Variants in SLC26A8 observed in about 807,000 individuals in gnomAD.
SLC26A8 encodes the protein testis anion transporter 1.
In SLC26A8, 70 loss-of-function variants were observed where a neutral mutation model predicts 105.0. The ratio of observed to expected loss-of-function variants is 0.67; its 90% CI spans 0.55 to 0.81. The LOEUF (loss-of-function observed/expected upper bound fraction) is 0.81, where lower values mean the gene tolerates loss of function less well. SLC26A8 is among the 40% of genes least tolerant of loss of function. SLC26A8 has a pLI of 0.00. For synonymous variants in SLC26A8, 415 were observed against 438.3 expected (o/e 0.95, Z 0.66); for missense variants, 998 against 1,181.8 (o/e 0.84, Z 2.28).
chr6:35,960,883 G>A lies in SLC26A8; in HGVS notation c.1598C>T (p.Pro533Leu), dbSNP rs756801565. Residue 533 changes from proline to leucine, a missense_variant, in exon 14 of 20, where the codon CCT becomes CTT. Pro to Leu is a moderately conservative substitution (Grantham distance 98, BLOSUM62 -3). Transcript: ENST00000490799. ...RAKILLLGQI[P>L]NTNIYRSIND... Reference sequence around the variant, plus strand: ...GATGCTTCTATAAATGTTGGTGTTAGGGATTTGACCCAGGAGAAGAATCTT... The same window carrying A: ...GATGCTTCTATAAATGTTGGTGTTAAGGATTTGACCCAGGAGAAGAATCTT... 6.8e-6 allele frequency: 11 copies of A among 1,614,140 alleles called. No homozygotes were observed. Among genetic ancestry groups the A allele is most frequent in the Non-Finnish European group, 9.3e-6 (11 of 1,180,030 alleles).
intron 2 of SLC26A8, among the ~76,000 whole-genome samples, chr6:36,017,063 T>G (rs1644718180): frequency 6.6e-6 from 1 of 151,864 alleles, no homozygotes; most frequent in African/African-American, 2.4e-5. Flanking sequence ...TCCCAGATAC[T>G]CGGGAGATGA....
chr6:36,015,605 G>A (rs1253198674), intron 2 of SLC26A8, among the ~76,000 whole-genome samples: 2 of 152,038 alleles, frequency 1.3e-5, no homozygotes, highest in Non-Finnish European at 2.9e-5. Context: ...AATTTCACTG[G>A]GAATACTTAT....
Position 35,955,397 on chromosome 6 carries a change from A to G in SLC26A8, c.1987T>C (p.Tyr663His). The G allele has an allele frequency of 1.9e-6, 3 of 1,614,194 alleles. No homozygotes were observed. The highest frequency in any genetic ancestry group is 4.5e-5 in the East Asian group (2 of 44,884). ...SQTASEDQVPYTVSSVSQKNQ... is the reference protein window; with the variant it reads ...SQTASEDQVPHTVSSVSQKNQ... The stretch of plus-strand genomic sequence containing the variant: ...TTCTGAGACACGGACGATACTGTGT[A>G]TGGCACTTGGTCTTCGGATGCAGTT... Residue 663 changes from tyrosine (Y) to histidine (H), a missense_variant, in exon 17 of 20, where the codon TAC becomes CAC. Coordinates refer to ENST00000490799, the MANE Select transcript of SLC26A8 (RefSeq NM_052961.4).
intron 10 of SLC26A8, among the ~76,000 whole-genome samples, chr6:35,972,018 G>T (rs1431314255): frequency 1.3e-5 from 2 of 152,222 alleles, no homozygotes; most frequent in East Asian, 3.8e-4. Flanking sequence ...CAATGCCTCA[G>T]GCTGAGGCTG....
chr6:36,011,613 T>C (rs1328743343), intron 3 of SLC26A8, among the ~76,000 whole-genome samples: 1 of 152,122 alleles, frequency 6.6e-6, no homozygotes, highest in Admixed American at 6.5e-5. Context: ...CCTTCACCTT[T>C]TTTTTCTTTT....
intron 3 of SLC26A8, among the ~76,000 whole-genome samples, chr6:36,006,018 T>G (rs1202710887): frequency 6.6e-6 from 1 of 152,246 alleles, no homozygotes; most frequent in East Asian, 1.9e-4. Context: ...ATTTTTGAAT[T>G]ATTCACACTA....
At chr6:35,955,981 C>T (rs1479517039) in intron 16 of SLC26A8, among the ~76,000 whole-genome samples, 1 of 152,112 alleles carries the variant, frequency 6.6e-6, no homozygotes. Context: ...TGGCTCATGC[C>T]TATAATTCTA....
intron 7 of SLC26A8, among the ~76,000 whole-genome samples, chr6:35,991,402 A>G (rs1761149102): frequency 3.6e-5 from 1 of 27,834 alleles, no homozygotes; most frequent in African/African-American, 9.4e-5. Flanking sequence ...AGACTCTGTC[A>G]AAAAAAAAAA....
chr6:35,964,292 A>C (rs1011835374), intron 11 of SLC26A8, among the ~76,000 whole-genome samples: 55 of 152,350 alleles, frequency 3.6e-4, no homozygotes, highest in African/African-American at 1.3e-3. Flanking sequence ...ATCACTTGAC[A>C]GTATATCCAG....
intron 17 of SLC26A8, among the ~76,000 whole-genome samples, chr6:35,952,381 A>G (rs1229067645): frequency 2.0e-5 from 3 of 152,208 alleles, no homozygotes; most frequent in Non-Finnish European, 4.4e-5. Context: ...GATGTTTACT[A>G]TCAGATAAGT....
intron 10 of SLC26A8, among the ~76,000 whole-genome samples, chr6:35,974,906 G>GTTTTTTTTT (rs77148160): frequency 2.1e-5 from 3 of 141,102 alleles, no homozygotes; most frequent in Admixed American, 7.1e-5. Context: ...CCAGCTAATT[G>GTTTTTTTTT]TTTTTTTTTT....
chr6:35,971,519 T>G (rs1026611872), intron 10 of SLC26A8, among the ~76,000 whole-genome samples: 7 of 152,300 alleles, frequency 4.6e-5, no homozygotes, highest in African/African-American at 1.7e-4. Flanking sequence ...GCCCAGGCAC[T>G]TGGGTCTTGG....
chr6:35,962,744 A>G (rs1384410465), intron 11 of SLC26A8, 123 bp from the exon 12 acceptor site: 3 of 741,674 alleles, frequency 4.0e-6, no homozygotes, highest in African/African-American at 3.5e-5. Flanking sequence ...GATATTTTAT[A>G]TGAATACCAT....
At chr6:35,991,593 A>G in intron 7 of SLC26A8, 66 bp downstream of exon 7, 1 of 1,311,810 alleles carries the variant, frequency 7.6e-7, no homozygotes, top group Non-Finnish European at 1.0e-6. Flanking sequence ...ACACAATTCA[A>G]CTCAGCATTT....
In SLC26A8 at chr6:35,976,405, CAA is replaced by C. The variant is rs963249731; in HGVS notation, c.1173+797_1173+798del. 8.8e-5 allele frequency among the ~76,000 whole-genome samples: 13 copies of C among 147,284 alleles called. No homozygotes were observed. The East Asian group carries it at 2.6e-3, about 29-fold the overall frequency. On this transcript the variant is annotated intron_variant, in intron 9 of 19. Transcript: ENST00000490799. Reference sequence around the variant, plus strand: ...TGCCATTGCACTCCAGCATGGGTAACAAGAGCAAAACTCCGTCTCAAAAAAAA... The same window carrying C: ...TGCCATTGCACTCCAGCATGGGTAACGAGCAAAACTCCGTCTCAAAAAAAA...
chr6:35,989,894 GT>G (rs36154487), intron 7 of SLC26A8: 59,181 of 115,294 alleles, frequency 0.51, 12,791 homozygotes, highest in Middle Eastern at 0.65. Flanking sequence ...GTTTTGTTCT[GT>G]TTTTTTTTTG....
intron 5 of SLC26A8, among the ~76,000 whole-genome samples, chr6:35,993,156 A>AATTTTTTTTT (rs1562054653): frequency 1.1e-5 from 1 of 87,554 alleles, no homozygotes. Context: ...CACACTGGGC[A>AATTTTTTTTT]TTTTTTTTTT....
At chr6:35,963,951 G>A (rs1772406765) in intron 11 of SLC26A8, among the ~76,000 whole-genome samples, 1 of 152,168 alleles carries the variant, frequency 6.6e-6, no homozygotes, top group African/African-American at 2.4e-5. Flanking sequence ...GCTCATGCCT[G>A]TAATCCCCAG....
intron 2 of SLC26A8, among the ~76,000 whole-genome samples, chr6:36,017,394 G>A (rs1451353538): frequency 6.6e-6 from 1 of 152,122 alleles, no homozygotes; most frequent in Non-Finnish European, 1.5e-5. Flanking sequence ...CACTTTGGGA[G>A]GCCGAGGCAG....
Sources: allele counts gnomAD v4.1 joint callset (sites outside exome capture counted in the v4.1 genomes callset), GRCh38; gene constraint gnomAD v4.1.1; transcripts MANE v1.5; gene names NCBI Gene and HGNC (gene_info 2026-07-23, HGNC 2026-07-21).